Variants in GPRASP3 observed in about 807,000 individuals in gnomAD.
GPRASP3 encodes the protein G protein-coupled receptor associated sorting protein 3.
chrX:102,748,745 C>A, the GPRASP3 span: 1 of 288,579 alleles, frequency 3.5e-6, no homozygotes, highest in Non-Finnish European at 6.2e-6. Context: ...GTTGGAAGAC[C>A]ATCACCTTCA....
chrX:102,734,108 G>T, the GPRASP3 span, among the ~76,000 whole-genome samples: 1 of 111,337 alleles, frequency 9.0e-6, no homozygotes, highest in African/African-American at 3.3e-5. Context: ...GTGGTGCAAT[G>T]TCATCAGTTA....
chrX:102,750,962 C>A, the GPRASP3 span: 1 of 167,468 alleles, frequency 6.0e-6, no homozygotes. Flanking sequence ...AATCTAGTTA[C>A]AGAAGTAAGG....
At chrX:102,747,739 G>T in the GPRASP3 span, 1 of 112,261 alleles carries the variant, frequency 8.9e-6, no homozygotes, top group African/African-American at 3.2e-5. Flanking sequence ...AAAAGCATAT[G>T]TTATAATCCT....
At chrX:102,738,806 T>A in the GPRASP3 span, among the ~76,000 whole-genome samples, 2 of 111,918 alleles carry the variant, frequency 1.8e-5, no homozygotes, top group Non-Finnish European at 3.8e-5. Context: ...AGAAAGTTTA[T>A]TTTGCCAAGG....
the GPRASP3 span, among the ~76,000 whole-genome samples, chrX:102,733,517 G>A: frequency 5.9e-4 from 64 of 108,805 alleles, no homozygotes; most frequent in Non-Finnish European, 1.0e-3. Context: ...ATCAGGTAGC[G>A]AGAAAGGAAT....
At chrX:102,736,804 T>A in the GPRASP3 span, among the ~76,000 whole-genome samples, 3 of 111,955 alleles carry the variant, frequency 2.7e-5, no homozygotes, top group Non-Finnish European at 3.8e-5. Flanking sequence ...ATCCATATAT[T>A]TCCTACCTGG....
chrX:102,721,856 C>T, the GPRASP3 span, among the ~76,000 whole-genome samples: 1 of 111,190 alleles, frequency 9.0e-6, no homozygotes, highest in African/African-American at 3.3e-5. Flanking sequence ...TCTTTGGTCC[C>T]ATCCTAGGTA....
chrX:102,733,460 C>CAA, the GPRASP3 span, among the ~76,000 whole-genome samples: 1 of 45,812 alleles, frequency 2.2e-5, no homozygotes, highest in African/African-American at 7.8e-5. Flanking sequence ...AACTCCATCT[C>CAA]AAAAAAAAAA....
chrX:102,739,406 C>T, the GPRASP3 span, among the ~76,000 whole-genome samples: 1 of 111,400 alleles, frequency 9.0e-6, no homozygotes, highest in Non-Finnish European at 1.9e-5. Context: ...GGAAGTAATT[C>T]GAGAAATGGC....
chrX:102,736,484 G>T, the GPRASP3 span, among the ~76,000 whole-genome samples: 4 of 111,744 alleles, frequency 3.6e-5, no homozygotes, highest in Admixed American at 9.5e-5. Context: ...GAAGAACAGC[G>T]TGGAGAAAGC....
chrX:102,725,629 C>T, the GPRASP3 span, among the ~76,000 whole-genome samples: 1 of 109,785 alleles, frequency 9.1e-6, no homozygotes, highest in African/African-American at 3.3e-5. Context: ...CAAGTTCAAG[C>T]GATCCTCCTG....
chrX:102,745,199 C>A, the GPRASP3 span, among the ~76,000 whole-genome samples: 5 of 110,929 alleles, frequency 4.5e-5, no homozygotes, highest in Non-Finnish European at 9.5e-5. Context: ...AGGACTGTTA[C>A]GACCTCCTGC....
chrX:102,748,933 G>C, the GPRASP3 span: 1 of 1,094,064 alleles, frequency 9.1e-7, no homozygotes, highest in Non-Finnish European at 1.2e-6. Flanking sequence ...TTAAGACTTC[G>C]ACCTAGGACA....
At chrX:102,749,466 C>T in the GPRASP3 span, 3 of 1,209,796 alleles carry the variant, frequency 2.5e-6, no homozygotes, top group African/African-American at 3.5e-5. Context: ...CGGCTGGGGC[C>T]GATTGCAAAC....
chrX:102,742,318 AGTCGGGGGCGGG>A, the GPRASP3 span, among the ~76,000 whole-genome samples: 4 of 105,186 alleles, frequency 3.8e-5, no homozygotes, highest in African/African-American at 1.4e-4. Flanking sequence ...GCCCTTTCCC[AGTCGGGGGCGGG>A]GTCGGGGGGG....
the GPRASP3 span, among the ~76,000 whole-genome samples, chrX:102,741,267 CA>C: frequency 8.9e-6 from 1 of 112,311 alleles, no homozygotes. Flanking sequence ...AGGACAAGTG[CA>C]CTGTTTAATC....
the GPRASP3 span, among the ~76,000 whole-genome samples, chrX:102,724,702 G>A: frequency 5.7e-5 from 6 of 105,879 alleles, no homozygotes; most frequent in Middle Eastern, 4.7e-3. Flanking sequence ...AATCTCAGCC[G>A]AAGAGCAGGG....
chrX:102,738,036 AG>A, the GPRASP3 span, among the ~76,000 whole-genome samples: 1 of 111,801 alleles, frequency 8.9e-6, no homozygotes, highest in African/African-American at 3.3e-5. Context: ...GGGTTATAAA[AG>A]ACATAAGAGG....
the GPRASP3 span, among the ~76,000 whole-genome samples, chrX:102,741,968 A>G: frequency 3.3e-4 from 37 of 112,352 alleles, no homozygotes; most frequent in South Asian, 0.013. Context: ...ATTCATCACC[A>G]GCAGACCTGC....
Sources: allele counts gnomAD v4.1 joint callset (sites outside exome capture counted in the v4.1 genomes callset), GRCh38; gene constraint gnomAD v4.1.1; transcripts MANE v1.5; gene names NCBI Gene and HGNC (gene_info 2026-07-23, HGNC 2026-07-21).